ZAR1L: variants seen among roughly 807,000 people sequenced by gnomAD.
The protein encoded by ZAR1L is protein ZAR1-like.
A neutral mutation model predicts 30.0 loss-of-function variants in ZAR1L; 16 were observed. The ratio of observed to expected loss-of-function variants is 0.53; its 90% confidence interval spans 0.36 to 0.81. The LOEUF is 0.81. Among genes scored for constraint, ZAR1L ranks in the 30% least tolerant of loss-of-function variants. The pLI is 0.00. For synonymous variants in ZAR1L, 197 were observed against 166.8 expected, an observed-to-expected ratio of 1.18 and a Z score of -1.40; for missense variants, 392 against 417.2, an observed-to-expected ratio of 0.94 and a Z score of 0.53.
chr13:32,307,060 A>G (rs1404107337), intron 5 of ZAR1L, among the ~76,000 whole-genome samples: 1 of 152,138 alleles, frequency 6.6e-6, no homozygotes, highest in Admixed American at 6.5e-5. Flanking sequence ...TACAAAGAAT[A>G]ACAGAAAGAA....
At chr13:32,309,356 GTACCACAGTAGA>G (rs2072197659) in intron 4 of ZAR1L, among the ~76,000 whole-genome samples, 1 of 152,082 alleles carries the variant, frequency 6.6e-6, no homozygotes, top group Non-Finnish European at 1.5e-5. Context: ...TGTACACCAA[GTACCACAGTAGA>G]TACTCAATGG....
chr13:32,315,312 C>T lies in ZAR1L; in HGVS notation c.-390+3G>A, dbSNP rs952990195. 1 of 152,308 alleles carries T rather than the reference C, an allele frequency of 6.6e-6. No individual in the cohort carries two copies. The highest frequency in any genetic ancestry group is 1.5e-5 in the Non-Finnish European group (1 of 68,124). 9.4% of individuals were successfully genotyped at this position (152,308 alleles called of 1,614,324 possible). A position where few individuals can be genotyped will look rare whatever the true frequency, so the allele number is the denominator to read the frequency against. On this transcript the variant is annotated splice_donor_region_variant and intron_variant, in intron 1 of 5. Coordinates refer to ENST00000533490, the MANE Select transcript of ZAR1L (RefSeq NM_001136571.2). ...TAAGGGTCAGCGAGAAGAGAACACA[C>T]ACTCCAGCTCCCGCTTTATTCGGTC...
chr13:32,309,166 AT>A (rs1273807848), intron 4 of ZAR1L, among the ~76,000 whole-genome samples: 3 of 151,696 alleles, frequency 2.0e-5, no homozygotes, highest in Admixed American at 6.6e-5. Flanking sequence ...AATTTTTTGT[AT>A]TTTTAGTAGA....
chr13:32,305,419 G>C (rs888113863), intron 5 of ZAR1L, among the ~76,000 whole-genome samples: 1 of 151,652 alleles, frequency 6.6e-6, no homozygotes, highest in African/African-American at 2.4e-5. Flanking sequence ...GTAGAGATGG[G>C]GTTTCACCAT....
intron 5 of ZAR1L, among the ~76,000 whole-genome samples, chr13:32,306,461 C>A (rs564755430): frequency 6.8e-4 from 104 of 152,082 alleles, no homozygotes; most frequent in African/African-American, 2.4e-3. Flanking sequence ...GCTGAAAAAC[C>A]AAGGCAGAGA....
Position 32,311,865 on chromosome 13 carries a change from A to G in ZAR1L, c.61T>C (p.Leu21=). The change falls in exon 3 of 6, where the codon TTG becomes CTG. Residue 21 remains leucine, a synonymous_variant. Coordinates refer to ENST00000533490, the MANE Select transcript of ZAR1L (RefSeq NM_001136571.2). ...TGCCCTGAGAGTCCAGGCTGGCCCA[A>G]AGGCACTGTGCTCCCATAACCCTGG... ...LYQGYGSTVP[L]GQPGLSGHKQ... 6.4e-7 allele frequency: 1 copy of G among 1,551,696 alleles called. No individual in the cohort carries two copies. The highest frequency in any genetic ancestry group is 8.7e-7 in the Non-Finnish European group (1 of 1,146,992).
chr13:32,309,301 C>A (rs1212359221), intron 4 of ZAR1L, among the ~76,000 whole-genome samples: 1 of 152,044 alleles, frequency 6.6e-6, no homozygotes, highest in African/African-American at 2.4e-5. Context: ...CAGAATAATA[C>A]GATTAATACT....
In ZAR1L at chr13:32,311,309, T is replaced by G. The variant is rs1303997980; in HGVS notation, c.617A>C (p.Asp206Ala). 5.8e-6 allele frequency: 9 copies of G among 1,549,482 alleles called. No individual in the cohort carries two copies. Among genetic ancestry groups the G allele is most frequent in the Non-Finnish European group, 5.2e-6 (6 of 1,146,566 alleles). Reference protein sequence around the residue: ...QETKSKQVPGDAASEPLRRPN... With the variant: ...QETKSKQVPGAAASEPLRRPN... ...CCTCCGGAGCGGCTCGGAGGCGGCGTCTCCAGGCACCTGCTTGCTCTTCGT... is the reference window on the plus strand; with the variant it reads ...CCTCCGGAGCGGCTCGGAGGCGGCGGCTCCAGGCACCTGCTTGCTCTTCGT... The change falls in exon 3 of 6, where the codon GAC (aspartate) becomes GCC (alanine). Residue 206 changes from aspartate to alanine, a missense_variant. Asp to Ala is a moderately radical substitution (Grantham distance 126). Coordinates refer to ENST00000533490, the MANE Select transcript of ZAR1L (RefSeq NM_001136571.2).
At chr13:32,310,138 C>T (rs1036693530) in intron 4 of ZAR1L, among the ~76,000 whole-genome samples, 2 of 152,220 alleles carry the variant, frequency 1.3e-5, no homozygotes, top group Admixed American at 1.3e-4. Flanking sequence ...ACAGGATTCA[C>T]GAAAATGCAG....
At chr13:32,312,796 T>A (rs1000225205) in intron 2 of ZAR1L, among the ~76,000 whole-genome samples, 1 of 152,130 alleles carries the variant, frequency 6.6e-6, no homozygotes, top group Non-Finnish European at 1.5e-5. Flanking sequence ...GAGAATCACC[T>A]GAACCCGGGA....
At chr13:32,306,930 CAAAAA>C (rs369500221) in intron 5 of ZAR1L, among the ~76,000 whole-genome samples, 6 of 59,078 alleles carry the variant, frequency 1.0e-4, no homozygotes, top group East Asian at 1.3e-3. Flanking sequence ...GACTCTATCT[CAAAAA>C]AAAAAAAAAA....
rs1165806552 is a variant in ZAR1L at position 32,311,746 on chromosome 13, A to T, written c.180T>A (p.Ile60=). 1 of 1,551,640 alleles carries T rather than the reference A, an allele frequency of 6.4e-7. No homozygotes were observed. Among genetic ancestry groups the T allele is most frequent in the East Asian group, 2.4e-5 (1 of 40,924 alleles). Residue 60 remains isoleucine, a synonymous_variant, in exon 3 of 6, where the codon ATT becomes ATA. Transcript: ENST00000533490. The part of the protein sequence containing the change: ...LVPANAPDYC[I]DPYKRAQLKA... ...TAAGCTGCGCCCTCTTGTAAGGGTC[A>T]ATGCAGTAGTCAGGGGCGTTCGCGG...
Position 32,306,644 on chromosome 13 carries a change from T to G in ZAR1L, c.822+2042A>C, listed in dbSNP as rs571076509. 5.9e-5 allele frequency among the ~76,000 whole-genome samples: 9 copies of G among 152,146 alleles called. 1 individual carries two copies. The highest frequency in any genetic ancestry group is 2.6e-4 in the Admixed American group (4 of 15,278). On this transcript the variant is annotated intron_variant, in intron 5 of 5. Transcript: ENST00000533490. ...AGCGAAAATATCTCTTAAAAAGATA[T>G]CCAAGGCTGGGCGTGACGGCTCACG...
chr13:32,304,000 G>A lies in ZAR1L; in HGVS notation c.845C>T (p.Ser282Phe). ...QCQTCSKSHC[S>F]CPQKKRHIDL... ...AATGTGTCTCTTCTTTTGAGGACAGGAACAATGAGACTTTGAGCAGGTCTT... is the reference window on the plus strand; with the variant it reads ...AATGTGTCTCTTCTTTTGAGGACAGAAACAATGAGACTTTGAGCAGGTCTT... The change falls in exon 6 of 6, where the codon TCC (serine) becomes TTC (phenylalanine). Residue 282 changes from serine (S) to phenylalanine (F), a missense_variant. Transcript: ENST00000533490. 6.4e-7 allele frequency: 1 copy of A among 1,552,046 alleles called. No homozygotes were observed. Among genetic ancestry groups the A allele is most frequent in the South Asian group, 1.2e-5 (1 of 84,034 alleles).
In ZAR1L at chr13:32,311,694, TG is replaced by T; in HGVS notation, c.231del (p.Ser78AlafsTer2). On this transcript the variant is annotated frameshift_variant, in exon 3 of 6. Transcript: ENST00000533490. LOFTEE classifies it high-confidence loss of function. ...GGCTTGCACAGCCGCGGGCTCAGGC[TG>T]GGGTTCATCTGGGAGAGAATGGCCT... ...QLKAILSQMN[P>X]SLSPRLCKPN... 1 of 1,551,686 alleles carries T rather than the reference TG, an allele frequency of 6.4e-7. No homozygotes were observed. Among genetic ancestry groups the T allele is most frequent in the Non-Finnish European group, 8.7e-7 (1 of 1,147,008 alleles).
intron 2 of ZAR1L, 84 bp from the exon 3 acceptor site, chr13:32,312,177 G>A (rs2072218807): frequency 2.2e-6 from 1 of 451,068 alleles, no homozygotes; most frequent in Non-Finnish European, 3.9e-6. Context: ...CCTCTTCACT[G>A]TTCGGGAATC....
chr13:32,308,992 A>ATT (rs35160937), intron 4 of ZAR1L, among the ~76,000 whole-genome samples: 407 of 144,612 alleles, frequency 2.8e-3, no homozygotes, highest in African/African-American at 8.6e-3. Context: ...ATTGGAATAC[A>ATT]TTTTTTTTTT....
At chr13:32,305,057 C>T (rs1263035331) in intron 5 of ZAR1L, among the ~76,000 whole-genome samples, 2 of 151,904 alleles carry the variant, frequency 1.3e-5, no homozygotes, top group African/African-American at 2.4e-5. Flanking sequence ...GTGATCCGTC[C>T]GCCTTGGCCT....
rs903790518 is a variant in ZAR1L at position 32,311,536 on chromosome 13, A to C, written c.390T>G (p.Cys130Trp). 2 of 1,535,440 alleles carry C rather than the reference A, an allele frequency of 1.3e-6. No individual in the cohort carries two copies. Among genetic ancestry groups the C allele is most frequent in the African/African-American group, 2.8e-5 (2 of 72,604 alleles). Reference sequence around the variant, plus strand: ...GGCCGGTGGCGGGCGAAGTGACCCCACAGGCTGGCAGGGGCTCCTGGGGGT... The same window carrying C: ...GGCCGGTGGCGGGCGAAGTGACCCCCCAGGCTGGCAGGGGCTCCTGGGGGT... Reference protein sequence around the residue: ...GRDPQEPLPACGVTSPATGRR... With the variant: ...GRDPQEPLPAWGVTSPATGRR... Residue 130 changes from cysteine (C) to tryptophan (W), a missense_variant, in exon 3 of 6, where the codon TGT becomes TGG. Physicochemically the swap from Cys to Trp is radical, Grantham distance 215 (BLOSUM62 -2). Transcript: ENST00000533490.
Sources: gnomAD v4.1 joint callset for allele counts (sites outside exome capture counted in the v4.1 genomes callset) on GRCh38, gnomAD v4.1.1 for gene constraint, MANE v1.5 for transcripts, NCBI Gene and HGNC (gene_info 2026-07-23, HGNC 2026-07-21) for gene names.